TMEM237: variants seen among roughly 807,000 people sequenced by gnomAD.
TMEM237 encodes amyotrophic lateral sclerosis 2 (juvenile) chromosome region, candidate 4.
TMEM237 carries 51 observed loss-of-function variants against 59.1 expected under a neutral mutation model. That is an observed-to-expected ratio of 0.86 (90% CI 0.69 to 1.09). TMEM237 has a LOEUF of 1.09. Among genes scored for constraint, TMEM237 ranks in the 50% least tolerant of loss-of-function variants. The pLI, the probability that TMEM237 is intolerant of heterozygous loss-of-function variation, is 0.00. For synonymous variants in TMEM237, 140 were observed against 166.1 expected (o/e 0.84, Z 1.21); for missense variants, 475 against 478.3 (o/e 0.99, Z 0.06).
intron 9 of TMEM237, 59 bp downstream of exon 9, chr2:201,629,171 C>A: frequency 7.8e-7 from 1 of 1,288,792 alleles, no homozygotes; most frequent in African/African-American, 1.5e-5. Context: ...GTCAGTGACA[C>A]ATTTTGCTCA....
chr2:201,641,004 T>C, intron 1 of TMEM237, 80 bp from the exon 2 acceptor site: 1 of 1,359,414 alleles, frequency 7.4e-7, no homozygotes, highest in Non-Finnish European at 1.0e-6. Flanking sequence ...CTATTTTTTT[T>C]TTTTTGAGAT....
At chr2:201,626,823 T>C (rs778148221) in intron 11 of TMEM237, among the ~76,000 whole-genome samples, 7 of 152,232 alleles carry the variant, frequency 4.6e-5, no homozygotes, top group Admixed American at 3.3e-4. Flanking sequence ...GGCTCATGCC[T>C]ATAATCCCAA....
chr2:201,625,227 T>C (rs909227718), intron 12 of TMEM237, among the ~76,000 whole-genome samples: 3 of 151,856 alleles, frequency 2.0e-5, no homozygotes, highest in African/African-American at 7.3e-5. Flanking sequence ...CCGGGCGTGG[T>C]GGCGGGCGCC....
chr2:201,629,876 TAAC>T, intron 7 of TMEM237, 24 bp from the exon 8 acceptor site: 1 of 1,602,334 alleles, frequency 6.2e-7, no homozygotes, highest in South Asian at 1.1e-5. Flanking sequence ...ACGTAATTAC[TAAC>T]AACTAGCGAG....
Position 201,629,810 on chromosome 2 carries a change from G to A in TMEM237, c.596C>T (p.Thr199Ile), listed in dbSNP as rs1222457840. ...AADRSELIKTTENIDVSMDVK... is the reference protein window; with the variant it reads ...AADRSELIKTIENIDVSMDVK... ...GTCCATTGACACATCTATGTTTTCTGTGGTCTTTATCAACTCTGAACGATC... is the reference window on the plus strand; with the variant it reads ...GTCCATTGACACATCTATGTTTTCTATGGTCTTTATCAACTCTGAACGATC... Residue 199 changes from threonine (T) to isoleucine (I), a missense_variant, in exon 8 of 13, where the codon ACA becomes ATA. Thr to Ile is a moderately conservative substitution (Grantham distance 89, BLOSUM62 -1). Coordinates refer to ENST00000409883, the MANE Select transcript of TMEM237 (RefSeq NM_001044385.3). The A allele has an allele frequency of 1.9e-6, 3 of 1,613,330 alleles. No homozygotes were observed. The highest frequency in any genetic ancestry group is 2.2e-5 in the South Asian group (2 of 90,980).
At position 201,621,879 on chromosome 2, in the gene TMEM237, T is replaced by G. The variant is rs551416888; in HGVS notation, c.*2376A>C. The G allele has an allele frequency of 1.3e-5, 2 of 152,742 alleles. No individual in the cohort carries two copies. The highest frequency in any genetic ancestry group is 3.9e-4 in the East Asian group (2 of 5,184). 9.5% of individuals were successfully genotyped at this position (152,742 alleles called of 1,614,324 possible). On this transcript the variant is annotated 3_prime_UTR_variant, in exon 13 of 13. Transcript: ENST00000409883. ...TCATCGACGGCCTCAGCAATGTGCC[T>G]CAAGTGTCACTGTGAGATCATTCCC...
At chr2:201,636,591 C>A in intron 5 of TMEM237, 157 bp downstream of exon 5, 1 of 786,272 alleles carries the variant, frequency 1.3e-6, no homozygotes, top group South Asian at 1.9e-5. Context: ...TTGGCTTAAG[C>A]CATTGGAGTT....
chr2:201,640,950 T>G (rs1463376368), intron 1 of TMEM237, 26 bp from the exon 2 acceptor site: 1 of 1,601,156 alleles, frequency 6.2e-7, no homozygotes, highest in Admixed American at 1.7e-5. Flanking sequence ...TAAATTTGCT[T>G]GTAAGTAAAA....
chr2:201,634,328 T>C (rs1176804915), intron 5 of TMEM237: 1 of 152,240 alleles, frequency 6.6e-6, no homozygotes, highest in Non-Finnish European at 1.5e-5. Flanking sequence ...CTTACAATTC[T>C]ATTGTAATAA....
intron 7 of TMEM237, among the ~76,000 whole-genome samples, chr2:201,630,061 C>T (rs1246428094): frequency 6.6e-6 from 1 of 151,920 alleles, no homozygotes; most frequent in African/African-American, 2.4e-5. Flanking sequence ...GAAAAATAAG[C>T]GATGTCAGTG....
chr2:201,643,346 C>G lies in TMEM237; in HGVS notation c.42+13G>C. On this transcript the variant is annotated intron_variant, in intron 1 of 12. Coordinates refer to ENST00000409883, the MANE Select transcript of TMEM237 (RefSeq NM_001044385.3). This position sits in a 1 kb window ranked among gnomAD's most constrained non-coding sequence, Gnocchi z 4.3. ...CGCCACCTCTCGAGGCCGACGCGCCCCTCGCCGCTCACCAGGTGGCCCTCC... is the reference window on the plus strand; with the variant it reads ...CGCCACCTCTCGAGGCCGACGCGCCGCTCGCCGCTCACCAGGTGGCCCTCC... 1 of 1,547,112 alleles carries G rather than the reference C, an allele frequency of 6.5e-7. No homozygotes were observed. Among genetic ancestry groups the G allele is most frequent in the Non-Finnish European group, 8.7e-7 (1 of 1,145,394 alleles).
Position 201,643,406 on chromosome 2 carries a change from T to A in TMEM237, c.-6A>T. On this transcript the variant is annotated 5_prime_UTR_variant, in exon 1 of 13. Coordinates refer to ENST00000409883, the MANE Select transcript of TMEM237 (RefSeq NM_001044385.3). The surrounding 1 kb of genome is among the most constrained non-coding windows in gnomAD (Gnocchi z 4.3). ...GCCCCCGAGTCAGTCCTCATGGTGC[T>A]CTCCCCGCGGGGCTGCCCCGGCGCA... is the stretch of plus-strand genomic sequence containing the variant. 4 of 1,523,240 alleles carry A rather than the reference T, an allele frequency of 2.6e-6. No homozygotes were observed. The highest frequency in any genetic ancestry group is 3.5e-6 in the Non-Finnish European group (4 of 1,134,752). 94.4% of individuals were successfully genotyped at this position (1,523,240 alleles called of 1,614,324 possible).
intron 12 of TMEM237, 137 bp from the exon 13 acceptor site, chr2:201,624,459 T>G (rs1957739794): frequency 8.3e-6 from 4 of 479,894 alleles, no homozygotes; most frequent in Non-Finnish European, 1.4e-5. Context: ...GTAAGATTTC[T>G]TGACAGTGAA....
intron 1 of TMEM237, chr2:201,642,713 T>G (rs774084700): frequency 6.4e-7 from 1 of 1,556,760 alleles, no homozygotes; most frequent in South Asian, 1.2e-5. Flanking sequence ...GCAGGCGCAA[T>G]GCGTCATCGG....
At chr2:201,625,362 CAAAAATA>C (rs889423418) in intron 12 of TMEM237, among the ~76,000 whole-genome samples, 6 of 148,266 alleles carry the variant, frequency 4.0e-5, no homozygotes, top group Non-Finnish European at 5.9e-5. Flanking sequence ...ACTCCATCTC[CAAAAATA>C]AAAAATAAAA....
chr2:201,641,922 G>C (rs1249325038), intron 1 of TMEM237, among the ~76,000 whole-genome samples: 1 of 152,148 alleles, frequency 6.6e-6, no homozygotes, highest in Non-Finnish European at 1.5e-5. Context: ...ACCAAGGAGA[G>C]GTAGGCAGGA....
chr2:201,624,146 T>A lies in TMEM237; in HGVS notation c.*109A>T. The A allele has an allele frequency of 1.5e-6, 1 of 679,968 alleles. No homozygotes were observed. Among genetic ancestry groups the A allele is most frequent in the Non-Finnish European group, 2.4e-6 (1 of 424,140 alleles). The allele number at this position is 679,968 out of a possible 1,614,324, so 42.1% of individuals were successfully genotyped here. On this transcript the variant is annotated 3_prime_UTR_variant, in exon 13 of 13. Transcript: ENST00000409883. Reference sequence around the variant, plus strand: ...TATTGAGAGATGTTTCAGTATTATATAATCAAAAAATCTATTACAAATACA... The same window carrying A: ...TATTGAGAGATGTTTCAGTATTATAAAATCAAAAAATCTATTACAAATACA...
At chr2:201,637,689 G>C (rs1283342426) in intron 4 of TMEM237, among the ~76,000 whole-genome samples, 1 of 148,334 alleles carries the variant, frequency 6.7e-6, no homozygotes, top group Admixed American at 6.8e-5. Context: ...AGGTTGCAGG[G>C]AGCCAAGATC....
Position 201,643,359 on chromosome 2 carries a change from C to G in TMEM237, c.42G>C (p.Leu14=), listed in dbSNP as rs1413242937. The change falls in exon 1 of 13, where the codon CTG becomes CTC. Residue 14 remains leucine, a splice_region_variant and synonymous_variant. Transcript: ENST00000409883. This position sits in a 1 kb window ranked among gnomAD's most constrained non-coding sequence, Gnocchi z 4.3. The part of the protein sequence containing the change: ...DSGARLEEGH[L]RPPRALPPVP... ...GGCCGACGCGCCCCTCGCCGCTCAC[C>G]AGGTGGCCCTCCTCCAGCCGAGCCC... 3.9e-6 allele frequency: 6 copies of G among 1,547,080 alleles called. No individual in the cohort carries two copies. The highest frequency in any genetic ancestry group is 5.2e-6 in the Non-Finnish European group (6 of 1,145,414).
Sources: gnomAD v4.1 joint callset for allele counts (sites outside exome capture counted in the v4.1 genomes callset) on GRCh38, gnomAD v4.1.1 for gene constraint, Gnocchi (gnomAD v3.1) non-coding constraint, MANE v1.5 for transcripts, NCBI Gene and HGNC (gene_info 2026-07-23, HGNC 2026-07-21) for gene names.